The following COL25A1 variants were observed in gnomAD, a reference collection of about 807,000 sequenced individuals.
The protein encoded by COL25A1 is collagen type XXV alpha 1 chain, also known as collagen alpha-1(XXV) chain.
In COL25A1, 103 loss-of-function variants were observed where a neutral mutation model predicts 128.4. The observed-to-expected ratio is 0.80, with a 90% CI of 0.68 to 0.94. COL25A1 has a LOEUF of 0.94. COL25A1 is among the 40% of genes least tolerant of loss of function. The pLI, the probability that COL25A1 is intolerant of heterozygous loss-of-function variation, is 0.00. For synonymous variants in COL25A1, 279 were observed against 277.2 expected, an observed-to-expected ratio of 1.01 and a Z score of -0.06; for missense variants, 745 against 840.0, an observed-to-expected ratio of 0.89 and a Z score of 1.40.
intron 31 of COL25A1, among the ~76,000 whole-genome samples, chr4:108,841,211 C>T (rs745364603): frequency 2.0e-5 from 3 of 152,140 alleles, no homozygotes; most frequent in Non-Finnish European, 4.4e-5. Context: ...CCCAGTATAG[C>T]ACACCTGAAA....
intron 3 of COL25A1, among the ~76,000 whole-genome samples, chr4:109,188,066 G>T (rs1390158251): frequency 6.6e-6 from 1 of 152,096 alleles, no homozygotes; most frequent in Non-Finnish European, 1.5e-5. Flanking sequence ...TAATTACAAG[G>T]CCAATGAAAC....
At chr4:109,289,998 T>C (rs992740244) in intron 3 of COL25A1, among the ~76,000 whole-genome samples, 3 of 152,050 alleles carry the variant, frequency 2.0e-5, no homozygotes, top group African/African-American at 7.2e-5. Flanking sequence ...AAAGTACAGA[T>C]GTAATAACTT....
chr4:109,117,213 C>G (rs1446776906), intron 3 of COL25A1, among the ~76,000 whole-genome samples: 5 of 151,866 alleles, frequency 3.3e-5, no homozygotes, highest in Admixed American at 3.3e-4. Context: ...ATTCAAACTT[C>G]AGAAATCAAA....
chr4:109,198,847 T>C lies in COL25A1; in HGVS notation c.367+101736A>G, dbSNP rs181418067. 2.3e-3 allele frequency among the ~76,000 whole-genome samples: 345 copies of C among 152,252 alleles called. 1 individual carries two copies. The highest frequency in any genetic ancestry group is 7.6e-3 in the African/African-American group (317 of 41,568). On this transcript the variant is annotated intron_variant, in intron 3 of 37. Coordinates refer to ENST00000399132, the MANE Select transcript of COL25A1 (RefSeq NM_198721.4). Reference sequence around the variant, plus strand: ...ACATTTGTGAAGAATCTCAGATTCATGAGATTAGTCTTGTGCTTGAAGCCA... The same window carrying C: ...ACATTTGTGAAGAATCTCAGATTCACGAGATTAGTCTTGTGCTTGAAGCCA...
At chr4:109,282,602 C>A (rs1723479693) in intron 3 of COL25A1, among the ~76,000 whole-genome samples, 1 of 152,194 alleles carries the variant, frequency 6.6e-6, no homozygotes, top group Admixed American at 6.6e-5. Context: ...TCTTCAATAT[C>A]ATTTGCTAAT....
chr4:109,096,922 C>T (rs1188728524), intron 3 of COL25A1, among the ~76,000 whole-genome samples: 4 of 152,142 alleles, frequency 2.6e-5, no homozygotes, highest in Non-Finnish European at 5.9e-5. Flanking sequence ...GGGGCATCCT[C>T]CATTATACAA....
intron 6 of COL25A1, among the ~76,000 whole-genome samples, chr4:108,978,087 A>G (rs944751418): frequency 6.6e-6 from 1 of 152,246 alleles, no homozygotes. Context: ...CCACGTATCA[A>G]CTAGAGTTCT....
intron 3 of COL25A1, among the ~76,000 whole-genome samples, chr4:109,219,631 A>G (rs1027881514): frequency 6.6e-6 from 1 of 152,132 alleles, no homozygotes; most frequent in African/African-American, 2.4e-5. Context: ...CTTATTTTCA[A>G]TAATTCCTGT....
intron 5 of COL25A1, among the ~76,000 whole-genome samples, chr4:109,035,739 A>C (rs955944268): frequency 6.6e-6 from 1 of 152,040 alleles, no homozygotes; most frequent in African/African-American, 2.4e-5. Flanking sequence ...GGAAATATAC[A>C]ATTTTTGTAG....
chr4:109,224,460 G>T (rs1310793866), intron 3 of COL25A1, among the ~76,000 whole-genome samples: 1 of 151,976 alleles, frequency 6.6e-6, no homozygotes, highest in Non-Finnish European at 1.5e-5. Flanking sequence ...AATCTCATCT[G>T]GGAGTTTGTC....
intron 6 of COL25A1, among the ~76,000 whole-genome samples, chr4:108,980,741 T>C (rs1752894211): frequency 6.6e-6 from 1 of 152,224 alleles, no homozygotes; most frequent in Non-Finnish European, 1.5e-5. Context: ...GTAAACTGAA[T>C]ATGGAATTAC....
intron 3 of COL25A1, among the ~76,000 whole-genome samples, chr4:109,200,499 C>T (rs913164736): frequency 2.0e-5 from 3 of 151,946 alleles, no homozygotes; most frequent in Non-Finnish European, 2.9e-5. Context: ...TCTCGGTCGC[C>T]CAGGCTGGAA....
At chr4:108,814,017 G>T (rs969878451) in intron 37 of COL25A1, 88 bp from the exon 38 acceptor site, 1 of 1,059,836 alleles carries the variant, frequency 9.4e-7, no homozygotes, top group South Asian at 1.4e-5. Flanking sequence ...TCAGAAAACT[G>T]GTAGAACCTT....
intron 3 of COL25A1, among the ~76,000 whole-genome samples, chr4:109,136,014 A>C (rs1358437547): frequency 1.3e-5 from 2 of 152,212 alleles, no homozygotes; most frequent in South Asian, 4.1e-4. Context: ...CATTCATTCA[A>C]CAAATATTAC....
chr4:109,274,294 T>C (rs1166938733), intron 3 of COL25A1, among the ~76,000 whole-genome samples: 1 of 152,184 alleles, frequency 6.6e-6, no homozygotes, highest in East Asian at 1.9e-4. Flanking sequence ...CAAATTACTT[T>C]CATCACAAAT....
intron 5 of COL25A1, among the ~76,000 whole-genome samples, chr4:109,039,056 A>G (rs547934971): frequency 7.8e-4 from 119 of 152,104 alleles, no homozygotes; most frequent in African/African-American, 2.5e-3. Context: ...CGCGTCTGTC[A>G]TTCCTAACTC....
intron 3 of COL25A1, among the ~76,000 whole-genome samples, chr4:109,264,839 T>C (rs1271671146): frequency 6.6e-6 from 1 of 152,206 alleles, no homozygotes; most frequent in Non-Finnish European, 1.5e-5. Flanking sequence ...ATAAGGACCA[T>C]GTGGTTTTGA....
chr4:109,042,124 T>C (rs1479407554), intron 5 of COL25A1, among the ~76,000 whole-genome samples: 5 of 152,090 alleles, frequency 3.3e-5, no homozygotes, highest in Admixed American at 6.6e-5. Flanking sequence ...TCTTTGCCCC[T>C]TACTGTAGCC....
intron 32 of COL25A1, among the ~76,000 whole-genome samples, chr4:108,831,107 A>AT (rs79120484): frequency 0.14 from 20,811 of 150,168 alleles, 1,452 homozygotes; most frequent in East Asian, 0.26. Flanking sequence ...TCCTTCATGC[A>AT]TTTTTTTTTC....
Sources: allele counts gnomAD v4.1 joint callset (sites outside exome capture counted in the v4.1 genomes callset), GRCh38; gene constraint gnomAD v4.1.1; transcripts MANE v1.5; gene names NCBI Gene and HGNC (gene_info 2026-07-23, HGNC 2026-07-21).